FAM118B: variants seen among roughly 807,000 people sequenced by gnomAD.
FAM118B encodes protein FAM118B.
FAM118B carries 24 observed loss-of-function variants against 38.5 expected under a neutral mutation model. That is an observed-to-expected ratio of 0.62 (90% CI 0.45 to 0.88). The LOEUF is 0.88. FAM118B is among the 40% of genes least tolerant of loss of function. The pLI is 0.00. For synonymous variants in FAM118B, 138 were observed against 156.3 expected (o/e 0.88, Z 0.87); for missense variants, 334 against 420.0 (o/e 0.80, Z 1.79).
chr11:126,240,743 C>A, intron 3 of FAM118B, 49 bp from the exon 4 acceptor site: 1 of 1,526,280 alleles, frequency 6.6e-7, no homozygotes, highest in South Asian at 1.3e-5. Flanking sequence ...TTCTGTGTGC[C>A]TCATATCTAT....
intron 3 of FAM118B, among the ~76,000 whole-genome samples, chr11:126,236,130 C>G (rs1489535989): frequency 6.6e-6 from 1 of 152,166 alleles, no homozygotes; most frequent in African/African-American, 2.4e-5. Flanking sequence ...TTTGCTATTT[C>G]CCATTCCCAT....
Position 126,256,972 on chromosome 11 carries a change from T to G in FAM118B, c.982+120T>G. 1 of 1,016,680 alleles carries G rather than the reference T, an allele frequency of 9.8e-7. No individual in the cohort carries two copies. 63.0% of individuals were successfully genotyped at this position (1,016,680 alleles called of 1,614,324 possible). On this transcript the variant is annotated intron_variant, in intron 7 of 8. Transcript: ENST00000533050. The surrounding 1 kb of genome is among the most constrained non-coding windows in gnomAD (Gnocchi z 6.6). ...TGAGGAATGTAATGACTGACCAAAT[T>G]GTAAAGGAGGCCACAGTCTTCAGGT...
chr11:126,250,851 C>T lies in FAM118B; in HGVS notation c.567+118C>T. ...AGAGCTAGAAAGGAAAAATTTTTTC[C>T]CTGGTTGGAGTTTTTGTTTTTCTTT... On this transcript the variant is annotated intron_variant, in intron 5 of 8. Coordinates refer to ENST00000533050, the MANE Select transcript of FAM118B (RefSeq NM_024556.4). The surrounding 1 kb of genome is among the most constrained non-coding windows in gnomAD (Gnocchi z 5.1). 1 of 723,578 alleles carries T rather than the reference C, an allele frequency of 1.4e-6. No individual in the cohort carries two copies. The highest frequency in any genetic ancestry group is 2.2e-5 in the South Asian group (1 of 46,384). 44.8% of individuals were successfully genotyped at this position (723,578 alleles called of 1,614,324 possible). A position where few individuals can be genotyped will look rare whatever the true frequency, so the allele number is the denominator to read the frequency against.
intron 7 of FAM118B, among the ~76,000 whole-genome samples, chr11:126,259,765 G>C (rs1950648595): frequency 6.7e-6 from 1 of 150,176 alleles, no homozygotes; most frequent in South Asian, 2.1e-4. Context: ...CTGTCACCCA[G>C]GCTAGAGTGC....
chr11:126,253,221 C>T lies in FAM118B; in HGVS notation c.568-1084C>T, dbSNP rs1451355461. On this transcript the variant is annotated intron_variant, in intron 5 of 8. Coordinates refer to ENST00000533050, the MANE Select transcript of FAM118B (RefSeq NM_024556.4). The surrounding 1 kb of genome is among the most constrained non-coding windows in gnomAD (Gnocchi z 5.1). ...TTTCATCCTTGGGCCTCAAGATTTG[C>T]ATTGTATTTTCAGCCCACATTAGGG... Among the ~76,000 whole-genome samples the T allele has an allele frequency of 2.0e-5, 3 of 152,094 alleles. No homozygotes were observed. Among genetic ancestry groups the T allele is most frequent in the Non-Finnish European group, 2.9e-5 (2 of 68,020 alleles).
Position 126,256,530 on chromosome 11 carries a change from C to T in FAM118B, c.697-37C>T, listed in dbSNP as rs746271868. On this transcript the variant is annotated intron_variant, in intron 6 of 8. Transcript: ENST00000533050. This position sits in a 1 kb window ranked among gnomAD's most constrained non-coding sequence, Gnocchi z 6.6. ...TGTTTCAGACTTGCCTTGAGTGTGT[C>T]TTCACAATGTCAATATGTTGTATCT... The T allele has an allele frequency of 6.3e-7, 1 of 1,597,338 alleles. No homozygotes were observed. The highest frequency in any genetic ancestry group is 8.5e-7 in the Non-Finnish European group (1 of 1,169,618).
intron 3 of FAM118B, among the ~76,000 whole-genome samples, chr11:126,238,485 C>T (rs545243536): frequency 1.1e-4 from 17 of 152,284 alleles, no homozygotes; most frequent in Admixed American, 7.2e-4. Flanking sequence ...CATTTCCTAA[C>T]TGGATGGGGG....
intron 1 of FAM118B, among the ~76,000 whole-genome samples, chr11:126,215,780 G>A (rs571877084): frequency 1.3e-4 from 19 of 151,338 alleles, no homozygotes; most frequent in South Asian, 2.1e-4. Context: ...GAGGCCTAGC[G>A]GGGAGGATCT....
chr11:126,237,885 A>G (rs184473595), intron 3 of FAM118B, among the ~76,000 whole-genome samples: 3 of 151,056 alleles, frequency 2.0e-5, no homozygotes, highest in Admixed American at 2.0e-4. Context: ...AAAAGAAAAA[A>G]TATATGTGAG....
intron 8 of FAM118B, 90 bp from the exon 9 acceptor site, chr11:126,262,030 G>GGGT (rs1950711656): frequency 1.6e-6 from 2 of 1,235,454 alleles, no homozygotes; most frequent in Non-Finnish European, 2.3e-6. Flanking sequence ...GCCTTCTGAA[G>GGGT]GGTTAGGATT....
intron 3 of FAM118B, among the ~76,000 whole-genome samples, chr11:126,237,581 C>T (rs1950293914): frequency 7.3e-6 from 1 of 137,906 alleles, no homozygotes; most frequent in South Asian, 2.5e-4. Flanking sequence ...TCACGCCTGT[C>T]ATCCCAGCAC....
At chr11:126,233,694 AATTAC>A (rs1206697740) in intron 2 of FAM118B, 1 of 455,870 alleles carries the variant, frequency 2.2e-6, no homozygotes, top group Non-Finnish European at 4.4e-6. Flanking sequence ...TATAAAGAAG[AATTAC>A]ACTGCGTGTG....
chr11:126,251,540 T>A (rs1022174941), intron 5 of FAM118B, among the ~76,000 whole-genome samples: 1 of 152,186 alleles, frequency 6.6e-6, no homozygotes, highest in African/African-American at 2.4e-5. Context: ...AAGACTAGTT[T>A]TCTCTGGTCC....
chr11:126,216,204 A>G (rs979819530), intron 1 of FAM118B, among the ~76,000 whole-genome samples: 13 of 151,862 alleles, frequency 8.6e-5, no homozygotes, highest in African/African-American at 2.9e-4. Flanking sequence ...GGTGAAACCC[A>G]ATCTCTACTA....
intron 2 of FAM118B, among the ~76,000 whole-genome samples, chr11:126,232,521 A>G (rs185008300): frequency 3.3e-5 from 5 of 152,290 alleles, no homozygotes; most frequent in Admixed American, 3.3e-4. Context: ...CTTAATAAGC[A>G]TGAACTTCCC....
At position 126,256,587 on chromosome 11, in the gene FAM118B, C is replaced by T. The variant is rs548456015; in HGVS notation, c.717C>T (p.Tyr239=). 28 of 1,613,816 alleles carry T rather than the reference C, an allele frequency of 1.7e-5. No homozygotes were observed. The highest frequency in any genetic ancestry group is 9.9e-5 in the South Asian group (9 of 91,072). ...TEVMREIQKL[Y]ENKSFLFLGC... ...TCCAGAGAGAAATTCAGAAACTCTA[C>T]GAAAACAAGTCATTTCTTTTCCTGG... is the stretch of plus-strand genomic sequence containing the variant. Residue 239 remains tyrosine (Y), a synonymous_variant, in exon 7 of 9, where the codon TAC becomes TAT. Coordinates refer to ENST00000533050, the MANE Select transcript of FAM118B (RefSeq NM_024556.4). The surrounding 1 kb of genome is among the most constrained non-coding windows in gnomAD (Gnocchi z 6.6).
At chr11:126,240,185 CT>C (rs1244901188) in intron 3 of FAM118B, among the ~76,000 whole-genome samples, 1 of 151,828 alleles carries the variant, frequency 6.6e-6, no homozygotes, top group Non-Finnish European at 1.5e-5. Context: ...ATGTTTTTCA[CT>C]TTTTGTCATG....
chr11:126,240,042 G>A (rs1318775005), intron 3 of FAM118B, among the ~76,000 whole-genome samples: 1 of 152,096 alleles, frequency 6.6e-6, no homozygotes. Context: ...TAATGTGAAG[G>A]AACATATTTC....
chr11:126,246,813 G>A (rs1489664208), intron 4 of FAM118B, among the ~76,000 whole-genome samples: 2 of 152,098 alleles, frequency 1.3e-5, no homozygotes, highest in African/African-American at 4.8e-5. Flanking sequence ...ATGGGAAAAG[G>A]CCCTTAGAAG....
Sources: gnomAD v4.1 joint callset for allele counts (sites outside exome capture counted in the v4.1 genomes callset) on GRCh38, gnomAD v4.1.1 for gene constraint, Gnocchi (gnomAD v3.1) non-coding constraint, MANE v1.5 for transcripts, NCBI Gene and HGNC (gene_info 2026-07-23, HGNC 2026-07-21) for gene names.